ATXN7: variants seen among roughly 807,000 people sequenced by gnomAD.
ATXN7 encodes the protein ataxin-7.
Under a neutral mutation model 70.5 loss-of-function variants are expected in ATXN7, and 12 were observed. That is an observed-to-expected ratio of 0.17 (90% CI 0.11 to 0.28). ATXN7 has a LOEUF of 0.28. ATXN7 is among the 10% of genes least tolerant of loss of function. The pLI, the probability that ATXN7 is intolerant of heterozygous loss-of-function variation, is 1.00. For synonymous variants in ATXN7, 498 were observed against 448.7 expected, an observed-to-expected ratio of 1.11 and a Z score of -1.39; for missense variants, 1,256 against 1,131.7, an observed-to-expected ratio of 1.11 and a Z score of -1.58.
chr3:63,864,457 C>A (rs868027780), intron 1 of ATXN7: 2 of 151,960 alleles, frequency 1.3e-5, no homozygotes, highest in African/African-American at 2.4e-5. Flanking sequence ...CCGGCACTTG[C>A]GCGGGGCGCG....
At chr3:63,920,462 T>C (rs931161728) in intron 4 of ATXN7, among the ~76,000 whole-genome samples, 11 of 152,204 alleles carry the variant, frequency 7.2e-5, no homozygotes, top group Admixed American at 7.2e-4. Context: ...ACAGCTCACA[T>C]GCTTAACCAT....
intron 6 of ATXN7, among the ~76,000 whole-genome samples, chr3:63,981,491 C>T (rs1035264502): frequency 2.0e-5 from 3 of 152,154 alleles, no homozygotes; most frequent in Non-Finnish European, 4.4e-5. Flanking sequence ...AGCTTCCTAC[C>T]AGTATTTTCA....
intron 5 of ATXN7, among the ~76,000 whole-genome samples, chr3:63,975,445 A>T (rs1303645884): frequency 1.3e-5 from 2 of 152,368 alleles, no homozygotes; most frequent in Non-Finnish European, 2.9e-5. Context: ...ACCACTTTTT[A>T]AAAAGCTTGA....
intron 2 of ATXN7, among the ~76,000 whole-genome samples, chr3:63,908,605 G>T (rs1703915815): frequency 1.3e-5 from 2 of 152,304 alleles, no homozygotes; most frequent in African/African-American, 4.8e-5. Flanking sequence ...TTAAAATGTT[G>T]TACTGGGACT....
chr3:63,885,226 G>T (rs1390615890), intron 1 of ATXN7, among the ~76,000 whole-genome samples: 1 of 152,072 alleles, frequency 6.6e-6, no homozygotes, highest in African/African-American at 2.4e-5. Context: ...ATCTGATAAG[G>T]GGTTGATATC....
chr3:63,869,262 C>T (rs1209235013), intron 1 of ATXN7, among the ~76,000 whole-genome samples: 2 of 152,128 alleles, frequency 1.3e-5, no homozygotes, highest in Non-Finnish European at 2.9e-5. Context: ...GGTCCAGTCT[C>T]CTTCTTTGAG....
Position 63,982,430 on chromosome 3 carries a change from A to C in ATXN7, c.997A>C (p.Asn333His). The C allele has an allele frequency of 6.2e-7, 1 of 1,607,088 alleles. No individual in the cohort carries two copies. The highest frequency in any genetic ancestry group is 8.5e-7 in the Non-Finnish European group (1 of 1,174,890). ...EDNSNNRKFL[N>H]KRLSEREFDP... ...CAATTCCAATAATAGGAAATTTTTA[A>C]ATAAGAGATTATCAGGTAACTTCAA... Residue 333 changes from asparagine (N) to histidine (H), a missense_variant, in exon 7 of 13, where the codon AAT becomes CAT. Coordinates refer to ENST00000674280, the MANE Select transcript of ATXN7 (RefSeq NM_001377405.1).
intron 4 of ATXN7, among the ~76,000 whole-genome samples, chr3:63,927,782 A>G (rs1704775815): frequency 6.6e-6 from 1 of 151,812 alleles, no homozygotes; most frequent in Non-Finnish European, 1.5e-5. Flanking sequence ...CTGATGAACT[A>G]CTGTACTGGA....
At chr3:63,931,268 C>G (rs931982921) in intron 4 of ATXN7, among the ~76,000 whole-genome samples, 1 of 152,142 alleles carries the variant, frequency 6.6e-6, no homozygotes, top group Non-Finnish European at 1.5e-5. Flanking sequence ...TTTATTGTTT[C>G]TAGTGCTGAT....
chr3:63,961,214 G>A (rs1194276472), intron 5 of ATXN7, among the ~76,000 whole-genome samples: 1 of 152,098 alleles, frequency 6.6e-6, no homozygotes, highest in Non-Finnish European at 1.5e-5. Flanking sequence ...TAGATTCAGT[G>A]TGAATTTACA....
chr3:63,885,066 CT>C (rs1253399833), intron 1 of ATXN7, among the ~76,000 whole-genome samples: 1 of 152,034 alleles, frequency 6.6e-6, no homozygotes, highest in Non-Finnish European at 1.5e-5. Context: ...TGGGCAGTGA[CT>C]TTTTGGATAT....
At chr3:63,886,768 G>T (rs1472761112) in intron 1 of ATXN7, among the ~76,000 whole-genome samples, 3 of 152,314 alleles carry the variant, frequency 2.0e-5, no homozygotes, top group African/African-American at 7.2e-5. Context: ...GGAGCCTGAG[G>T]TAAATAAAAT....
At chr3:63,942,134 TG>T (rs1197843006) in intron 4 of ATXN7, among the ~76,000 whole-genome samples, 2 of 152,274 alleles carry the variant, frequency 1.3e-5, no homozygotes, top group East Asian at 3.9e-4. Flanking sequence ...ACAGCTTGAT[TG>T]ACTTTTCATG....
At chr3:63,878,700 G>A (rs1306322135) in intron 1 of ATXN7, among the ~76,000 whole-genome samples, 4 of 152,204 alleles carry the variant, frequency 2.6e-5, no homozygotes, top group Non-Finnish European at 5.9e-5. Flanking sequence ...GGAATGGCAA[G>A]CTGTTATCAC....
intron 5 of ATXN7, among the ~76,000 whole-genome samples, chr3:63,968,858 G>GTAATAATGAGCTTGACC (rs2075268215): frequency 6.6e-6 from 1 of 152,162 alleles, no homozygotes; most frequent in South Asian, 2.1e-4. Flanking sequence ...CATGCCTTGT[G>GTAATAATGAGCTTGACC]TAATAATGAG....
chr3:63,912,718 G>GCCGCCT lies in ATXN7; in HGVS notation c.125_130dup (p.Pro42_Pro43dup), dbSNP rs1459703551. On this transcript the variant is annotated inframe_insertion, in exon 3 of 13. Transcript: ENST00000674280. The stretch of plus-strand genomic sequence containing the variant: ...AGCAGCAGCAGCAGCAGCAGCAGCC[G>GCCGCCT]CCGCCTCCGCAGCCCCAGCGGCAGC... The GCCGCCT allele has an allele frequency of 1.5e-5, 19 of 1,227,152 alleles. No homozygotes were observed. The Admixed American group carries it at 1.9e-4, about 12-fold the overall frequency. 76.0% of individuals were successfully genotyped at this position (1,227,152 alleles called of 1,614,324 possible).
intron 5 of ATXN7, among the ~76,000 whole-genome samples, chr3:63,952,827 G>C (rs1479616474): frequency 9.1e-6 from 1 of 109,432 alleles, no homozygotes; most frequent in Non-Finnish European, 1.7e-5. Context: ...CAATATGGAT[G>C]CATGGGCCTT....
intron 4 of ATXN7, among the ~76,000 whole-genome samples, chr3:63,928,468 C>G (rs1326970939): frequency 1.3e-5 from 2 of 151,930 alleles, no homozygotes; most frequent in African/African-American, 4.8e-5. Flanking sequence ...AATTAAGCAT[C>G]TTAGACAATA....
intron 1 of ATXN7, among the ~76,000 whole-genome samples, chr3:63,867,398 G>T (rs191128888): frequency 1.6e-3 from 240 of 152,082 alleles, no homozygotes; most frequent in African/African-American, 5.6e-3. Context: ...GAATGCAATT[G>T]CATGAAACTG....
Sources: allele counts gnomAD v4.1 joint callset (sites outside exome capture counted in the v4.1 genomes callset), GRCh38; gene constraint gnomAD v4.1.1; transcripts MANE v1.5; gene names NCBI Gene and HGNC (gene_info 2026-07-23, HGNC 2026-07-21).